MSI2: variants seen among roughly 807,000 people sequenced by gnomAD.
MSI2 encodes RNA-binding protein Musashi homolog 2.
A neutral mutation model predicts 45.6 loss-of-function variants in MSI2; 17 were observed. The ratio of observed to expected loss-of-function variants is 0.37; its 90% CI spans 0.26 to 0.56. The LOEUF (loss-of-function observed/expected upper bound fraction) is 0.56, where lower values mean the gene tolerates loss of function less well. Among genes scored for constraint, MSI2 ranks in the 20% least tolerant of loss-of-function variants. The pLI, the probability that MSI2 is intolerant of heterozygous loss-of-function variation, is 0.77. For synonymous variants in MSI2, 156 were observed against 158.2 expected (o/e 0.99, Z 0.11); for missense variants, 293 against 444.2 (o/e 0.66, Z 3.06).
intron 7 of MSI2, among the ~76,000 whole-genome samples, chr17:57,589,120 A>G (rs1157275663): frequency 6.6e-6 from 1 of 152,178 alleles, no homozygotes; most frequent in Non-Finnish European, 1.5e-5. Flanking sequence ...TACAAAGTCC[A>G]CATTGGCACC....
chr17:57,478,833 A>AT (rs2085592091), intron 6 of MSI2, among the ~76,000 whole-genome samples: 1 of 152,216 alleles, frequency 6.6e-6, no homozygotes, highest in Non-Finnish European at 1.5e-5. Context: ...TTTCTCTAGG[A>AT]AACAAGCAAG....
chr17:57,663,773 A>C (rs1189138736), intron 11 of MSI2, among the ~76,000 whole-genome samples: 1 of 152,130 alleles, frequency 6.6e-6, no homozygotes, highest in African/African-American at 2.4e-5. Flanking sequence ...TCTTCAATGG[A>C]GGTAGCCCCC....
At chr17:57,561,330 A>G (rs548347904) in intron 7 of MSI2, among the ~76,000 whole-genome samples, 46 of 152,218 alleles carry the variant, frequency 3.0e-4, no homozygotes, top group African/African-American at 1.0e-3. Context: ...TGCGTCACCC[A>G]TGTCTCAGTC....
intron 11 of MSI2, among the ~76,000 whole-genome samples, chr17:57,661,363 G>A (rs1391847598): frequency 6.6e-6 from 1 of 152,206 alleles, no homozygotes; most frequent in Non-Finnish European, 1.5e-5. Flanking sequence ...AATTTGGAGT[G>A]GGAAGCTGTC....
chr17:57,594,682 G>C (rs569619228), intron 7 of MSI2, among the ~76,000 whole-genome samples: 2 of 152,168 alleles, frequency 1.3e-5, no homozygotes, highest in African/African-American at 2.4e-5. Flanking sequence ...TAGGGGGTAG[G>C]GGGTATAAAC....
At chr17:57,265,808 A>G (rs1208827766) in intron 5 of MSI2, 2 of 152,236 alleles carry the variant, frequency 1.3e-5, no homozygotes, top group African/African-American at 2.4e-5. Context: ...TAAAATGGTC[A>G]TGCTCTTCTA....
chr17:57,265,254 A>G (rs763318684), intron 5 of MSI2: 5 of 152,188 alleles, frequency 3.3e-5, no homozygotes, highest in Non-Finnish European at 5.9e-5. Flanking sequence ...TTTTGTGTTC[A>G]GGTCACAGTG....
chr17:57,677,811 T>C (rs1182634178), intron 13 of MSI2, among the ~76,000 whole-genome samples: 1 of 152,142 alleles, frequency 6.6e-6, no homozygotes, highest in East Asian at 1.9e-4. Flanking sequence ...AGAGGGAGGT[T>C]GGGGCAGTGA....
chr17:57,311,535 A>G (rs1050539467), intron 5 of MSI2, among the ~76,000 whole-genome samples: 8 of 152,182 alleles, frequency 5.3e-5, no homozygotes, highest in African/African-American at 1.9e-4. Context: ...GAAAGGACAG[A>G]ATGAAAGCCA....
intron 7 of MSI2, among the ~76,000 whole-genome samples, chr17:57,542,868 C>T (rs9906675): frequency 0.19 from 28,390 of 152,174 alleles, 3,136 homozygotes; most frequent in African/African-American, 0.3. Context: ...CTCCATCCGT[C>T]GTCTGTGCCC....
chr17:57,638,510 C>T (rs1910003927), intron 10 of MSI2, among the ~76,000 whole-genome samples: 1 of 152,198 alleles, frequency 6.6e-6, no homozygotes, highest in South Asian at 2.1e-4. Context: ...GAGCCGTTGA[C>T]TCTGCTGGAC....
At chr17:57,261,788 C>T (rs1907331118) in intron 4 of MSI2, among the ~76,000 whole-genome samples, 1 of 152,166 alleles carries the variant, frequency 6.6e-6, no homozygotes, top group Non-Finnish European at 1.5e-5. Context: ...TAATGATGCT[C>T]CCATCTTTTC....
intron 10 of MSI2, among the ~76,000 whole-genome samples, chr17:57,633,957 G>T (rs1021901842): frequency 6.6e-6 from 1 of 152,126 alleles, no homozygotes; most frequent in Admixed American, 6.6e-5. Context: ...CTAGAGACTT[G>T]CTAGGACTTC....
intron 6 of MSI2, among the ~76,000 whole-genome samples, chr17:57,406,046 C>A (rs2084075465): frequency 6.6e-6 from 1 of 152,212 alleles, no homozygotes; most frequent in South Asian, 2.1e-4. Context: ...CACTTTACCA[C>A]CAAGCAGCAT....
Position 57,389,700 on chromosome 17 carries a change from C to A in MSI2, c.313-11679C>A, listed in dbSNP as rs149743136. 9.6e-3 allele frequency among the ~76,000 whole-genome samples: 1,460 copies of A among 152,322 alleles called. 26 individuals carry two copies. Among genetic ancestry groups the A allele is most frequent in the African/African-American group, 0.033 (1,382 of 41,552 alleles). On this transcript the variant is annotated intron_variant, in intron 5 of 13. Transcript: ENST00000284073. ...CACTCAGCTGCCATTTCTTTTCTTACCCTCTTGGTCTTTCTCAGGACTCAG... is the reference window on the plus strand; with the variant it reads ...CACTCAGCTGCCATTTCTTTTCTTAACCTCTTGGTCTTTCTCAGGACTCAG...
chr17:57,650,088 T>G (rs1911018268), intron 10 of MSI2, among the ~76,000 whole-genome samples: 1 of 152,192 alleles, frequency 6.6e-6, no homozygotes, highest in South Asian at 2.1e-4. Flanking sequence ...ATGGATTTCC[T>G]TTCTTGGATA....
intron 5 of MSI2, among the ~76,000 whole-genome samples, chr17:57,325,809 G>A (rs956219113): frequency 2.6e-5 from 4 of 152,308 alleles, no homozygotes; most frequent in South Asian, 2.1e-4. Flanking sequence ...GATGCCTGCC[G>A]TACCAAGCGT....
At chr17:57,616,880 G>T (rs1391314190) in intron 9 of MSI2, among the ~76,000 whole-genome samples, 1 of 152,222 alleles carries the variant, frequency 6.6e-6, no homozygotes, top group Non-Finnish European at 1.5e-5. Context: ...GTATTTTAGT[G>T]CAAGTTATTG....
At chr17:57,399,946 C>A (rs985068477) in intron 5 of MSI2, among the ~76,000 whole-genome samples, 3 of 152,210 alleles carry the variant, frequency 2.0e-5, no homozygotes, top group African/African-American at 7.2e-5. Flanking sequence ...TCGGTTCACT[C>A]ATTCACTCAG....
Sources: gnomAD v4.1 joint callset for allele counts (sites outside exome capture counted in the v4.1 genomes callset) on GRCh38, gnomAD v4.1.1 for gene constraint, MANE v1.5 for transcripts, NCBI Gene and HGNC (gene_info 2026-07-23, HGNC 2026-07-21) for gene names.